POC1A: variants seen among roughly 807,000 people sequenced by gnomAD.
POC1A encodes the protein POC1 centriolar protein A.
A neutral mutation model predicts 47.8 loss-of-function variants in POC1A; 34 were observed. The observed-to-expected ratio is 0.71, with a 90% CI of 0.54 to 0.95. The LOEUF (loss-of-function observed/expected upper bound fraction) is 0.95. Ranked by LOEUF, POC1A falls within the 40% of genes least tolerant of loss-of-function variation. The pLI is 0.00. For missense variants in POC1A, 466 were observed against 528.3 expected, an observed-to-expected ratio of 0.88 and a Z score of 1.16; for synonymous variants, 177 against 207.6, an observed-to-expected ratio of 0.85 and a Z score of 1.27.
chr3:52,146,878 G>C (rs907382090), intron 5 of POC1A, 110 bp downstream of exon 5: 5 of 848,724 alleles, frequency 5.9e-6, no homozygotes, highest in Non-Finnish European at 1.0e-5. Flanking sequence ...CAGTGATAAG[G>C]CTGCTGGTCC....
intron 9 of POC1A, among the ~76,000 whole-genome samples, chr3:52,111,045 T>A (rs946089359): frequency 6.6e-6 from 1 of 152,196 alleles, no homozygotes; most frequent in African/African-American, 2.4e-5. Flanking sequence ...CTGAGTCAGG[T>A]TGCTCTGTCT....
intron 1 of POC1A, among the ~76,000 whole-genome samples, chr3:52,151,764 T>C (rs1479085373): frequency 2.0e-5 from 3 of 152,000 alleles, no homozygotes; most frequent in Non-Finnish European, 4.4e-5. Context: ...ATTGTTAAGA[T>C]ACAATACTAC....
chr3:52,102,836 TCAC>T (rs1559821004), intron 9 of POC1A, among the ~76,000 whole-genome samples: 1 of 152,078 alleles, frequency 6.6e-6, no homozygotes, highest in Non-Finnish European at 1.5e-5. Flanking sequence ...TCCTCCCAAA[TCAC>T]CTATAGGCAT....
At chr3:52,111,664 A>T (rs1214180928) in intron 9 of POC1A, among the ~76,000 whole-genome samples, 1 of 147,160 alleles carries the variant, frequency 6.8e-6, no homozygotes, top group East Asian at 1.9e-4. Context: ...AAAAAAAAAA[A>T]AAAAAAAAAA....
At chr3:52,103,761 G>A (rs970173379) in intron 9 of POC1A, among the ~76,000 whole-genome samples, 1 of 151,952 alleles carries the variant, frequency 6.6e-6, no homozygotes, top group African/African-American at 2.4e-5. Context: ...TTAATCATTA[G>A]GATAATGGAA....
intron 9 of POC1A, among the ~76,000 whole-genome samples, chr3:52,116,853 C>T (rs1703583164): frequency 6.6e-6 from 1 of 152,002 alleles, no homozygotes; most frequent in Non-Finnish European, 1.5e-5. Flanking sequence ...GAATTTGAGA[C>T]CAGCCTAGAC....
intron 6 of POC1A, among the ~76,000 whole-genome samples, chr3:52,143,905 G>A (rs1031497586): frequency 9.2e-5 from 14 of 152,160 alleles, no homozygotes; most frequent in African/African-American, 3.4e-4. Flanking sequence ...CCCTTCCCAA[G>A]GGGTACCTGC....
Position 52,075,978 on chromosome 3 carries a change from G to A in POC1A, c.1133C>T (p.Ser378Phe). 1 of 1,613,046 alleles carries A rather than the reference G, an allele frequency of 6.2e-7. No individual in the cohort carries two copies. Residue 378 changes from serine to phenylalanine, a missense_variant, in exon 11 of 11, where the codon TCC becomes TTC. Transcript: ENST00000296484. The stretch of plus-strand genomic sequence containing the variant: ...CAGTGTCAACCGCTGCTCCAGAATG[G>A]AGACTGTCTGCAAAATAAACAGTGG... The part of the protein sequence containing the change: ...GQLDVLTQTV[S>F]ILEQRLTLTE...
At chr3:52,108,232 T>C (rs981338583) in intron 9 of POC1A, among the ~76,000 whole-genome samples, 1 of 152,238 alleles carries the variant, frequency 6.6e-6, no homozygotes, top group African/African-American at 2.4e-5. Context: ...GCAAAGTTAC[T>C]ATCTTTCCTG....
intron 1 of POC1A, among the ~76,000 whole-genome samples, chr3:52,153,261 A>G (rs558038938): frequency 6.6e-6 from 1 of 152,366 alleles, no homozygotes; most frequent in Admixed American, 6.5e-5. Context: ...TTGAAGGGTT[A>G]TAATTCAGCC....
chr3:52,076,656 G>A (rs533868818), intron 10 of POC1A, among the ~76,000 whole-genome samples: 17 of 152,324 alleles, frequency 1.1e-4, no homozygotes, highest in Non-Finnish European at 2.1e-4. Flanking sequence ...CTCCTCCTTC[G>A]CCCAGTGCGA....
At chr3:52,150,588 G>T (rs1308375702) in intron 2 of POC1A, among the ~76,000 whole-genome samples, 4 of 152,234 alleles carry the variant, frequency 2.6e-5, no homozygotes, top group African/African-American at 7.2e-5. Context: ...TGGGGTCGAG[G>T]GGGGTGCCCA....
At chr3:52,092,959 G>T (rs968396713) in intron 10 of POC1A, among the ~76,000 whole-genome samples, 11 of 152,182 alleles carry the variant, frequency 7.2e-5, no homozygotes, top group African/African-American at 2.7e-4. Context: ...GCAGGGGCCA[G>T]CCAAAGTGCT....
At chr3:52,121,801 G>A (rs996079916) in intron 9 of POC1A, among the ~76,000 whole-genome samples, 2 of 152,136 alleles carry the variant, frequency 1.3e-5, no homozygotes, top group Admixed American at 1.3e-4. Context: ...TAATGAGACT[G>A]TATCAGTTAT....
chr3:52,129,707 G>T (rs750901526), intron 7 of POC1A, among the ~76,000 whole-genome samples: 2 of 152,192 alleles, frequency 1.3e-5, no homozygotes, highest in Non-Finnish European at 2.9e-5. Flanking sequence ...AGACCAGGCA[G>T]AATCTTCAGG....
At chr3:52,120,740 C>G (rs946695953) in intron 9 of POC1A, among the ~76,000 whole-genome samples, 1 of 152,238 alleles carries the variant, frequency 6.6e-6, no homozygotes, top group Admixed American at 6.5e-5. Flanking sequence ...CAAGTGGTTG[C>G]TCTAAGCACT....
chr3:52,142,316 C>A (rs1305655661), intron 6 of POC1A, among the ~76,000 whole-genome samples: 1 of 152,216 alleles, frequency 6.6e-6, no homozygotes, highest in African/African-American at 2.4e-5. Context: ...CAGGGATTGG[C>A]ACTCCCAGGG....
chr3:52,125,639 G>C lies in POC1A; in HGVS notation c.814-458C>G, dbSNP rs550412771. On this transcript the variant is annotated intron_variant, in intron 7 of 10. Transcript: ENST00000296484. ...GCACAGTTGCTGACCAGAGAAATAG[G>C]GATCTCCAAGGAAGAGCCAATGGCT... 2.6e-5 allele frequency among the ~76,000 whole-genome samples: 4 copies of C among 152,142 alleles called. No individual in the cohort carries two copies. In the South Asian group the frequency reaches 8.3e-4, roughly 32 times the overall value.
At chr3:52,150,871 C>G in intron 2 of POC1A, 145 bp downstream of exon 2, 1 of 689,284 alleles carries the variant, frequency 1.5e-6, no homozygotes, top group Non-Finnish European at 2.5e-6. Context: ...GCCCAAAGAG[C>G]TGGCAAGCAG....
Sources: gnomAD v4.1 joint callset for allele counts (sites outside exome capture counted in the v4.1 genomes callset) on GRCh38, gnomAD v4.1.1 for gene constraint, MANE v1.5 for transcripts, NCBI Gene and HGNC (gene_info 2026-07-23, HGNC 2026-07-21) for gene names.